The following ADGRG1 variants were observed in gnomAD, a reference collection of about 807,000 sequenced individuals.
ADGRG1 encodes the protein adhesion G protein-coupled receptor G1, also known as 7-transmembrane protein with no EGF-like N-terminal domains-1.
A neutral mutation model predicts 73.5 loss-of-function variants in ADGRG1; 53 were observed. The observed-to-expected ratio is 0.72, with a 90% CI of 0.58 to 0.91. The LOEUF is 0.91. Among genes scored for constraint, ADGRG1 ranks in the 40% least tolerant of loss-of-function variants. The pLI is 0.00. For missense variants in ADGRG1, 795 were observed against 871.8 expected, an observed-to-expected ratio of 0.91 and a Z score of 1.11; for synonymous variants, 394 against 374.4, an observed-to-expected ratio of 1.05 and a Z score of -0.60.
At chr16:57,644,074 A>G (rs2041575865) in intron 1 of ADGRG1, 6 of 985,318 alleles carry the variant, frequency 6.1e-6, no homozygotes, top group Non-Finnish European at 7.2e-6. Context: ...CATGGAGGAA[A>G]CACCTGCAAG....
chr16:57,641,625 G>T (rs1048268079), intron 1 of ADGRG1: 1 of 892,060 alleles, frequency 1.1e-6, no homozygotes, highest in Admixed American at 6.3e-5. Context: ...GAGTGCAGTG[G>T]TGTGATCTTG....
intron 13 of ADGRG1, 185 bp from the exon 14 acceptor site, chr16:57,663,267 G>A (rs757370736): frequency 4.5e-5 from 42 of 943,722 alleles, no homozygotes; most frequent in African/African-American, 2.1e-4. Flanking sequence ...GAGGCCACAC[G>A]GGGACGCAGC....
chr16:57,629,299 G>A (rs1286131661), intron 1 of ADGRG1: 9 of 321,540 alleles, frequency 2.8e-5, no homozygotes, highest in Middle Eastern at 1.4e-3. Flanking sequence ...GACACCTCCC[G>A]GGGCTCCCAG....
rs1264520383 is a variant in ADGRG1 at position 57,657,639 on chromosome 16, C to T, written c.1286+148C>T. The stretch of plus-strand genomic sequence containing the variant: ...GGGAGCTGTTTGGGGTAAGCTGACC[C>T]TTGGGGGCCACGTCTCCTCCTCAGA... On this transcript the variant is annotated intron_variant, in intron 10 of 13. Coordinates refer to ENST00000562631, the MANE Select transcript of ADGRG1 (RefSeq NM_201525.4). 1.5e-5 allele frequency: 11 copies of T among 739,022 alleles called. No individual in the cohort carries two copies. The Admixed American group carries it at 1.9e-4, about 13-fold the overall frequency. 45.8% of individuals were successfully genotyped at this position (739,022 alleles called of 1,614,324 possible).
At chr16:57,629,115 C>A (rs759307902) in intron 1 of ADGRG1, 21 of 937,996 alleles carry the variant, frequency 2.2e-5, no homozygotes, top group Non-Finnish European at 2.7e-5. Context: ...TGTGTGCATC[C>A]GTGCACGGGT....
At chr16:57,631,160 G>A (rs1363617998) in intron 1 of ADGRG1, 2 of 986,310 alleles carry the variant, frequency 2.0e-6, no homozygotes, top group African/African-American at 3.5e-5. Context: ...GGGAGACGAG[G>A]GGGAGGTGGC....
chr16:57,630,458 G>A (rs970823409), intron 1 of ADGRG1: 7 of 985,710 alleles, frequency 7.1e-6, no homozygotes, highest in Admixed American at 6.1e-5. Context: ...CTCGCCTCAG[G>A]AGCTCAGCTG....
chr16:57,628,397 C>A, upstream of ADGRG1: 1 of 467,422 alleles, frequency 2.1e-6, no homozygotes. Flanking sequence ...CACTGTCTGC[C>A]TGGATGAGGG....
At chr16:57,641,614 G>A in intron 1 of ADGRG1, 1 of 919,082 alleles carries the variant, frequency 1.1e-6, no homozygotes. Context: ...CACACAGGCT[G>A]GAGTGCAGTG....
chr16:57,653,921 G>C, intron 4 of ADGRG1, 65 bp from the exon 5 acceptor site: 1 of 1,609,650 alleles, frequency 6.2e-7, no homozygotes, highest in Non-Finnish European at 8.5e-7. Context: ...TCGTCCTCCT[G>C]CCTCAGTCTC....
chr16:57,653,633 G>T, intron 4 of ADGRG1: 1 of 957,630 alleles, frequency 1.0e-6, no homozygotes, highest in Non-Finnish European at 1.2e-6. Context: ...CGGCAGAGCC[G>T]CTCCAAGGCC....
At chr16:57,636,192 C>T in intron 1 of ADGRG1, 1 of 985,342 alleles carries the variant, frequency 1.0e-6, no homozygotes, top group Non-Finnish European at 1.2e-6. Flanking sequence ...GCCCGAACCA[C>T]AGGAGTGGGC....
intron 1 of ADGRG1, chr16:57,639,195 ACAGG>A: frequency 1.1e-6 from 1 of 895,304 alleles, no homozygotes; most frequent in Middle Eastern, 5.6e-4. Context: ...TCCCTTCAAG[ACAGG>A]CAGGTGTCCC....
At chr16:57,638,042 T>C (rs1043977300) in intron 1 of ADGRG1, among the ~76,000 whole-genome samples, 29 of 152,146 alleles carry the variant, frequency 1.9e-4, no homozygotes, top group African/African-American at 6.8e-4. Flanking sequence ...CGTACCACAG[T>C]TTTTATGTCC....
At chr16:57,626,733 TG>T, upstream of ADGRG1, 6 of 985,196 alleles carry the variant, frequency 6.1e-6, no homozygotes, top group Non-Finnish European at 6.0e-6. Flanking sequence ...GTGGTGGTGG[TG>T]GGGGGACAGC....
chr16:57,653,368 CA>C (rs1197761274), intron 4 of ADGRG1, 33 bp downstream of exon 4: 1 of 1,602,652 alleles, frequency 6.2e-7, no homozygotes, highest in Middle Eastern at 1.7e-4. Context: ...TGAGGGGAGG[CA>C]GGAAGGCATC....
At chr16:57,645,256 C>A (rs776701207) in intron 1 of ADGRG1, 2 of 985,324 alleles carry the variant, frequency 2.0e-6, no homozygotes, top group Admixed American at 6.1e-5. Flanking sequence ...TCCCCTCTGC[C>A]TCTCCCAGCG....
chr16:57,647,853 T>A, intron 1 of ADGRG1: 2 of 768,128 alleles, frequency 2.6e-6, no homozygotes, highest in Non-Finnish European at 3.2e-6. Flanking sequence ...ATGTTGTCGC[T>A]TCACTTGTTT....
rs1465969239 is a variant in ADGRG1 at position 57,634,411 on chromosome 16, G to C, written c.-36+5609G>C. Reference sequence around the variant, plus strand: ...TCTGCTGTGTCACCATCTGGGCACGGGCCAAACAGTTCAGGGGCGACTCAC... The same window carrying C: ...TCTGCTGTGTCACCATCTGGGCACGCGCCAAACAGTTCAGGGGCGACTCAC... On this transcript the variant is annotated intron_variant, in intron 1 of 13. Transcript: ENST00000562631. 2.0e-5 allele frequency: 20 copies of C among 985,330 alleles called. No individual in the cohort carries two copies. The Admixed American group carries it at 1.2e-3, about 61-fold the overall frequency. 61.0% of individuals were successfully genotyped at this position (985,330 alleles called of 1,614,324 possible).
Sources: gnomAD v4.1 joint callset for allele counts (sites outside exome capture counted in the v4.1 genomes callset) on GRCh38, gnomAD v4.1.1 for gene constraint, MANE v1.5 for transcripts, NCBI Gene and HGNC (gene_info 2026-07-23, HGNC 2026-07-21) for gene names.